ALKBH8: variants seen among roughly 807,000 people sequenced by gnomAD.
ALKBH8 encodes alkB homolog 8, tRNA methyltransferase.
Under a neutral mutation model 59.8 loss-of-function variants are expected in ALKBH8, and 36 were observed. That is an observed-to-expected ratio of 0.60 (90% CI 0.46 to 0.79). The LOEUF (loss-of-function observed/expected upper bound fraction) is 0.79, where lower values mean the gene tolerates loss of function less well. Among genes scored for constraint, ALKBH8 ranks in the 30% least tolerant of loss-of-function variants. The probability of loss-of-function intolerance (pLI) is 0.00; values close to 1 mark genes in which losing one functional copy is unlikely to be tolerated. For synonymous variants in ALKBH8, 276 were observed against 273.6 expected (o/e 1.01, Z -0.09); for missense variants, 768 against 801.0 (o/e 0.96, Z 0.50).
intron 7 of ALKBH8, among the ~76,000 whole-genome samples, chr11:107,546,132 C>T (rs901616075): frequency 1.3e-5 from 2 of 152,092 alleles, no homozygotes; most frequent in Non-Finnish European, 2.9e-5. Flanking sequence ...TAAAAATCAT[C>T]TTCATAAATT....
intron 1 of ALKBH8, among the ~76,000 whole-genome samples, chr11:107,563,164 G>T: frequency 6.6e-6 from 1 of 152,194 alleles, no homozygotes. Context: ...GGTTAAAAAG[G>T]TTTAGGAGTC....
At chr11:107,553,801 G>A (rs780101300) in intron 4 of ALKBH8, 46 bp downstream of exon 4, 1 of 1,579,520 alleles carries the variant, frequency 6.3e-7, no homozygotes, top group South Asian at 1.2e-5. Flanking sequence ...AGGAAGAAGA[G>A]TTTTGCAGAA....
intron 7 of ALKBH8, 80 bp from the exon 8 acceptor site, chr11:107,532,486 C>T: frequency 1.8e-6 from 2 of 1,132,620 alleles, no homozygotes; most frequent in Non-Finnish European, 2.6e-6. Context: ...TAGAGTTTGG[C>T]TATTTTTCTA....
At chr11:107,557,039 C>G (rs1185737211) in intron 2 of ALKBH8, 36 bp from the exon 3 acceptor site, 1 of 1,407,966 alleles carries the variant, frequency 7.1e-7, no homozygotes, top group East Asian at 2.5e-5. Context: ...AAGAAAGTAA[C>G]ATGAGCAACT....
At chr11:107,527,985 T>C (rs1185400429) in intron 8 of ALKBH8, among the ~76,000 whole-genome samples, 4 of 152,058 alleles carry the variant, frequency 2.6e-5, no homozygotes, top group Admixed American at 2.6e-4. Flanking sequence ...AATGAAGAAG[T>C]TCCCTTCTTG....
At chr11:107,560,204 A>G (rs1864881976) in intron 2 of ALKBH8, among the ~76,000 whole-genome samples, 1 of 152,198 alleles carries the variant, frequency 6.6e-6, no homozygotes, top group Non-Finnish European at 1.5e-5. Context: ...CGATCCTCAC[A>G]TTTATCATCT....
chr11:107,529,264 AG>A (rs2135517584), intron 8 of ALKBH8, among the ~76,000 whole-genome samples: 1 of 152,318 alleles, frequency 6.6e-6, no homozygotes, highest in Admixed American at 6.5e-5. Context: ...ATATATGTAA[AG>A]TTTTTAGAAC....
Position 107,504,560 on chromosome 11 carries a change from C to G in ALKBH8, c.*98G>C. Reference sequence around the variant, plus strand: ...TCTCAGCTTTCCTTTGGTACTTTCCCACAAGTTTTCTCTTTAATTAAAAGG... The same window carrying G: ...TCTCAGCTTTCCTTTGGTACTTTCCGACAAGTTTTCTCTTTAATTAAAAGG... On this transcript the variant is annotated 3_prime_UTR_variant, in exon 12 of 12. Transcript: ENST00000428149. The G allele has an allele frequency of 6.8e-7, 1 of 1,462,986 alleles. No individual in the cohort carries two copies. Among genetic ancestry groups the G allele is most frequent in the Non-Finnish European group, 9.3e-7 (1 of 1,072,598 alleles). The allele number at this position is 1,462,986 out of a possible 1,614,324, so 90.6% of individuals were successfully genotyped here.
Position 107,503,542 on chromosome 11 carries a change from T to C in ALKBH8, c.*1116A>G, listed in dbSNP as rs1346735577. On this transcript the variant is annotated 3_prime_UTR_variant, in exon 12 of 12. Transcript: ENST00000428149. ...TTCTATGTGATAATTTGACCTATGGTTGAATTTCTACCTTTGTTCCTCCAG... is the reference window on the plus strand; with the variant it reads ...TTCTATGTGATAATTTGACCTATGGCTGAATTTCTACCTTTGTTCCTCCAG... 8 of 152,186 alleles carry C rather than the reference T, an allele frequency of 5.3e-5. No homozygotes were observed. The highest frequency in any genetic ancestry group is 1.0e-4 in the Non-Finnish European group (7 of 68,018). 9.4% of individuals were successfully genotyped at this position (152,186 alleles called of 1,614,324 possible).
intron 6 of ALKBH8, 138 bp from the exon 7 acceptor site, chr11:107,549,961 GA>G: frequency 1.7e-6 from 1 of 578,586 alleles, no homozygotes. Flanking sequence ...TGGTTAAAAG[GA>G]AACATTTAGG....
intron 10 of ALKBH8, among the ~76,000 whole-genome samples, chr11:107,514,480 C>T (rs551761183): frequency 4.6e-5 from 7 of 152,240 alleles, no homozygotes; most frequent in Admixed American, 1.3e-4. Flanking sequence ...AGGTAAAGTA[C>T]AGCTATTTAT....
intron 10 of ALKBH8, among the ~76,000 whole-genome samples, chr11:107,519,192 G>A (rs1591262479): frequency 1.3e-5 from 2 of 151,948 alleles, no homozygotes; most frequent in African/African-American, 2.4e-5. Flanking sequence ...TGCAACCTCC[G>A]CCTCCCAGGC....
intron 1 of ALKBH8, 142 bp from the exon 2 acceptor site, chr11:107,561,041 A>G (rs1864917246): frequency 1.4e-5 from 9 of 657,780 alleles, no homozygotes; most frequent in Non-Finnish European, 2.0e-5. Flanking sequence ...TGTACCAACT[A>G]AGAGAAGTGA....
chr11:107,548,983 T>C (rs928816405), intron 7 of ALKBH8, among the ~76,000 whole-genome samples: 1 of 152,106 alleles, frequency 6.6e-6, no homozygotes, highest in South Asian at 2.1e-4. Context: ...CCCGAGTAGC[T>C]GGGACTACAG....
In ALKBH8 at chr11:107,524,813, T is replaced by C. The variant is rs147650567; in HGVS notation, c.1030+628A>G. Among the ~76,000 whole-genome samples, 31 of 152,216 alleles carry C rather than the reference T, an allele frequency of 2.0e-4. No individual in the cohort carries two copies. In the East Asian group the frequency reaches 6.0e-3, roughly 29 times the overall value. ...ACCCATAATTAAAACCCCCAAGATATAAAAAGGATTTTATTATTACTATCA... is the reference window on the plus strand; with the variant it reads ...ACCCATAATTAAAACCCCCAAGATACAAAAAGGATTTTATTATTACTATCA... On this transcript the variant is annotated intron_variant, in intron 9 of 11. Transcript: ENST00000428149.
At position 107,556,863 on chromosome 11, in the gene ALKBH8, T is replaced by G; in HGVS notation, c.270A>C (p.Thr90=). 6.2e-7 allele frequency: 1 copy of G among 1,604,916 alleles called. No individual in the cohort carries two copies. Among genetic ancestry groups the G allele is most frequent in the Non-Finnish European group, 8.5e-7 (1 of 1,175,640 alleles). The change falls in exon 3 of 12, where the codon ACA becomes ACC. Residue 90 remains threonine (T), a synonymous_variant. Coordinates refer to ENST00000428149, the MANE Select transcript of ALKBH8 (RefSeq NM_138775.3). ...TAACATAGGCTCTCTTAGATTCTTCTGTAGTTCTGTATCTTGCAAATGAGT... is the reference window on the plus strand; with the variant it reads ...TAACATAGGCTCTCTTAGATTCTTCGGTAGTTCTGTATCTTGCAAATGAGT... ...KPYSFARYRT[T]EESKRAYVTL...
At chr11:107,559,737 T>C (rs1018575826) in intron 2 of ALKBH8, among the ~76,000 whole-genome samples, 2 of 152,212 alleles carry the variant, frequency 1.3e-5, no homozygotes, top group African/African-American at 2.4e-5. Flanking sequence ...CATTAATATT[T>C]AACTCCAAGT....
intron 11 of ALKBH8, among the ~76,000 whole-genome samples, chr11:107,506,523 A>G (rs1237347651): frequency 6.6e-6 from 1 of 152,150 alleles, no homozygotes; most frequent in African/African-American, 2.4e-5. Flanking sequence ...GATAAAATAC[A>G]TTAAGAAGTC....
chr11:107,540,893 G>T (rs1186292042), intron 7 of ALKBH8, among the ~76,000 whole-genome samples: 1 of 152,182 alleles, frequency 6.6e-6, no homozygotes, highest in South Asian at 2.1e-4. Context: ...ATTTTTGAAT[G>T]AATGAATGAA....
Sources: allele counts gnomAD v4.1 joint callset (sites outside exome capture counted in the v4.1 genomes callset), GRCh38; gene constraint gnomAD v4.1.1; transcripts MANE v1.5; gene names NCBI Gene and HGNC (gene_info 2026-07-23, HGNC 2026-07-21).